Variants in MMRN1 observed in about 807,000 individuals in gnomAD.
MMRN1 encodes multimerin 1.
In MMRN1, 94 loss-of-function variants were observed where a neutral mutation model predicts 100.7. The ratio of observed to expected loss-of-function variants is 0.93; its 90% confidence interval spans 0.79 to 1.11. The LOEUF (loss-of-function observed/expected upper bound fraction) is 1.11. Among genes scored for constraint, MMRN1 ranks in the 50% least tolerant of loss-of-function variants. The probability of loss-of-function intolerance (pLI) is 0.00; values close to 1 mark genes in which losing one functional copy is unlikely to be tolerated. For missense variants in MMRN1, 1,606 were observed against 1,439.1 expected, an observed-to-expected ratio of 1.12 and a Z score of -1.88; for synonymous variants, 575 against 505.0, an observed-to-expected ratio of 1.14 and a Z score of -1.86.
chr4:89,925,987 A>T (rs1560590477), intron 4 of MMRN1, among the ~76,000 whole-genome samples: 1 of 152,028 alleles, frequency 6.6e-6, no homozygotes, highest in Admixed American at 6.6e-5. Context: ...ATAATACTCC[A>T]TTGTGTATAT....
chr4:89,887,029 T>C (rs1300445251), intron 1 of MMRN1, among the ~76,000 whole-genome samples: 1 of 152,104 alleles, frequency 6.6e-6, no homozygotes, highest in Non-Finnish European at 1.5e-5. Flanking sequence ...CTTCCCAGCC[T>C]GTGATAACCA....
At chr4:89,886,897 A>C (rs989017273) in intron 1 of MMRN1, among the ~76,000 whole-genome samples, 4 of 152,048 alleles carry the variant, frequency 2.6e-5, no homozygotes, top group East Asian at 1.9e-4. Flanking sequence ...TGAAATATAC[A>C]ATGAACTATT....
chr4:89,889,515 C>T (rs1578459734), intron 1 of MMRN1, among the ~76,000 whole-genome samples: 2 of 152,088 alleles, frequency 1.3e-5, no homozygotes, highest in African/African-American at 4.8e-5. Flanking sequence ...CAGAATTATT[C>T]GAACAAGCCA....
chr4:89,927,828 A>G lies in MMRN1; in HGVS notation c.989A>G (p.Tyr330Cys). The change falls in exon 5 of 8, where the codon TAC (tyrosine) becomes TGC (cysteine). Residue 330 changes from tyrosine (Y) to cysteine (C), a missense_variant. By Grantham distance (194) the Tyr-to-Cys change is radical. Coordinates refer to ENST00000264790, the MANE Select transcript of MMRN1 (RefSeq NM_007351.3). The stretch of plus-strand genomic sequence containing the variant: ...CAAAAAATGACTGATCAGGTGAACT[A>G]CCAGGCAATGAAACTGACTCTTCTG... ...VMQKMTDQVN[Y>C]QAMKLTLLQK... is the part of the protein sequence containing the mutation. 1 of 1,612,324 alleles carries G rather than the reference A, an allele frequency of 6.2e-7. No individual in the cohort carries two copies. Among genetic ancestry groups the G allele is most frequent in the Non-Finnish European group, 8.5e-7 (1 of 1,179,230 alleles).
Position 89,898,547 on chromosome 4 carries a change from C to T in MMRN1, c.623+2953C>T, listed in dbSNP as rs1277243563. Among the ~76,000 whole-genome samples the T allele has an allele frequency of 3.9e-5, 6 of 151,970 alleles. No individual in the cohort carries two copies. The East Asian group carries it at 7.8e-4, about 20-fold the overall frequency. ...CAGGCTATTGGTTGCCTCCAGAATACAATCTAGATTTGTTACCCAGTTAGT... is the reference window on the plus strand; with the variant it reads ...CAGGCTATTGGTTGCCTCCAGAATATAATCTAGATTTGTTACCCAGTTAGT... On this transcript the variant is annotated intron_variant, in intron 1 of 7. Coordinates refer to ENST00000264790, the MANE Select transcript of MMRN1 (RefSeq NM_007351.3).
chr4:89,948,590 A>G (rs1219420514), intron 6 of MMRN1, among the ~76,000 whole-genome samples: 1 of 152,232 alleles, frequency 6.6e-6, no homozygotes, highest in South Asian at 2.1e-4. Flanking sequence ...TGCTTGTGTT[A>G]TCTTGACAGA....
intron 6 of MMRN1, among the ~76,000 whole-genome samples, chr4:89,939,232 A>G (rs1025430841): frequency 3.9e-5 from 6 of 152,156 alleles, no homozygotes; most frequent in African/African-American, 1.4e-4. Context: ...TTATACAGCC[A>G]CATTGCTCTC....
intron 1 of MMRN1, among the ~76,000 whole-genome samples, chr4:89,897,549 A>G (rs1721248533): frequency 1.3e-5 from 2 of 152,186 alleles, no homozygotes; most frequent in Non-Finnish European, 2.9e-5. Context: ...AACAGAAAAA[A>G]GAGACAATTC....
intron 1 of MMRN1, among the ~76,000 whole-genome samples, chr4:89,887,353 C>CA: frequency 6.6e-6 from 1 of 152,022 alleles, no homozygotes; most frequent in East Asian, 1.9e-4. Context: ...CAATTCTAAG[C>CA]AAAAAGAACA....
Position 89,953,792 on chromosome 4 carries a change from C to A in MMRN1, c.*374C>A, listed in dbSNP as rs894093924. On this transcript the variant is annotated 3_prime_UTR_variant, in exon 8 of 8. Coordinates refer to ENST00000264790, the MANE Select transcript of MMRN1 (RefSeq NM_007351.3). ...AATTAAACACTTAACTTTTGTTATT[C>A]CCTGTATATAAATATATAACACACA... The A allele has an allele frequency of 6.4e-6, 1 of 157,256 alleles. No individual in the cohort carries two copies. 9.7% of individuals were successfully genotyped at this position (157,256 alleles called of 1,614,324 possible).
intron 1 of MMRN1, among the ~76,000 whole-genome samples, chr4:89,908,389 T>C (rs980263090): frequency 6.6e-6 from 1 of 151,422 alleles, no homozygotes; most frequent in Non-Finnish European, 1.5e-5. Context: ...TATGAAAAAT[T>C]ATAGAATAAG....
intron 6 of MMRN1, among the ~76,000 whole-genome samples, chr4:89,941,855 C>CAT (rs770374976): frequency 1.3e-5 from 2 of 152,152 alleles, no homozygotes; most frequent in African/African-American, 2.4e-5. Context: ...GTCAATAAAA[C>CAT]ATATCAGTGT....
chr4:89,936,522 T>G lies in MMRN1; in HGVS notation c.2842T>G (p.Trp948Gly), dbSNP rs772359210. The change falls in exon 6 of 8, where the codon TGG becomes GGG. Residue 948 changes from tryptophan to glycine, a missense_variant. Trp to Gly is a radical substitution (Grantham distance 184). Transcript: ENST00000264790. ...AGAACTGAATGCTACCATCCCTAAG[T>G]GGATAAAACATTCCCTGCCAGATAT... ...VSELNATIPK[W>G]IKHSLPDIQL... 2 of 1,613,062 alleles carry G rather than the reference T, an allele frequency of 1.2e-6. No homozygotes were observed. The highest frequency in any genetic ancestry group is 2.7e-5 in the African/African-American group (2 of 74,878).
chr4:89,884,008 G>A (rs1560575319), intron 1 of MMRN1, among the ~76,000 whole-genome samples: 1 of 152,062 alleles, frequency 6.6e-6, no homozygotes, highest in South Asian at 2.1e-4. Context: ...ACCATTGAAT[G>A]GACTTGGTAC....
chr4:89,926,972 C>T (rs560954272), intron 4 of MMRN1, among the ~76,000 whole-genome samples: 5 of 152,068 alleles, frequency 3.3e-5, no homozygotes, highest in African/African-American at 1.2e-4. Context: ...CTATTCTATT[C>T]CATTGGTGTA....
At chr4:89,885,078 G>A (rs1248636578) in intron 1 of MMRN1, among the ~76,000 whole-genome samples, 4 of 151,976 alleles carry the variant, frequency 2.6e-5, no homozygotes, top group Non-Finnish European at 4.4e-5. Context: ...TTTGTCAAAT[G>A]TTTCTACAGT....
chr4:89,884,322 G>C (rs754036979), intron 1 of MMRN1, among the ~76,000 whole-genome samples: 2 of 152,026 alleles, frequency 1.3e-5, no homozygotes, highest in Non-Finnish European at 2.9e-5. Context: ...AAGTTTTCCA[G>C]TCCTTGAACT....
At chr4:89,948,353 G>C (rs1413461443) in intron 6 of MMRN1, among the ~76,000 whole-genome samples, 2 of 152,102 alleles carry the variant, frequency 1.3e-5, no homozygotes, top group African/African-American at 4.8e-5. Flanking sequence ...CAAAGATAGG[G>C]GAGGGTGGCT....
intron 1 of MMRN1, 21 bp from the exon 2 acceptor site, chr4:89,909,255 A>G: frequency 6.4e-7 from 1 of 1,560,378 alleles, no homozygotes; most frequent in Non-Finnish European, 8.7e-7. Context: ...TTTTTTCCCT[A>G]ACAATTATGA....
Sources: allele counts gnomAD v4.1 joint callset (sites outside exome capture counted in the v4.1 genomes callset), GRCh38; gene constraint gnomAD v4.1.1; transcripts MANE v1.5; gene names NCBI Gene and HGNC (gene_info 2026-07-23, HGNC 2026-07-21).